The following TRPM3 variants were observed in gnomAD, a reference collection of about 807,000 sequenced individuals.
TRPM3 encodes transient receptor potential cation channel subfamily M member 3.
TRPM3 carries 77 observed loss-of-function variants against 181.2 expected under a neutral mutation model. The observed-to-expected ratio is 0.42, with a 90% CI of 0.35 to 0.51. TRPM3 has a LOEUF of 0.51. Among genes scored for constraint, TRPM3 ranks in the 20% least tolerant of loss-of-function variants. TRPM3 has a pLI of 0.01. For missense variants in TRPM3, 1,759 were observed against 2,196.7 expected (o/e 0.80, Z 3.98); for synonymous variants, 745 against 796.4 (o/e 0.94, Z 1.09).
At chr9:71,275,232 T>G (rs2084103643) in intron 1 of TRPM3, among the ~76,000 whole-genome samples, 1 of 152,232 alleles carries the variant, frequency 6.6e-6, no homozygotes, top group Non-Finnish European at 1.5e-5. Flanking sequence ...AGATAAATCA[T>G]TTCAATTTCT....
rs148066286 is a variant in TRPM3 at position 71,071,061 on chromosome 9, C to T, written c.177+50117G>A. On this transcript the variant is annotated intron_variant, in intron 1 of 25. Transcript: ENST00000677713. ...ATCTAGTGGACAGCAAGGAGCCTTA[C>T]AAGGCTTTAGTTTTTAGTCTTCAGG... is the stretch of plus-strand genomic sequence containing the variant. Among the ~76,000 whole-genome samples the T allele has an allele frequency of 1.1e-3, 173 of 152,242 alleles. 1 individual carries two copies. Among genetic ancestry groups the T allele is most frequent in the Admixed American group, 5.2e-4 (8 of 15,304 alleles).
chr9:70,915,829 T>C (rs1398050131), intron 1 of TRPM3, among the ~76,000 whole-genome samples: 2 of 151,952 alleles, frequency 1.3e-5, no homozygotes, highest in Non-Finnish European at 2.9e-5. Context: ...TTGAAAGGGA[T>C]AATAACATAG....
chr9:70,657,794 T>C (rs1040613668), intron 9 of TRPM3, among the ~76,000 whole-genome samples: 2 of 152,144 alleles, frequency 1.3e-5, no homozygotes, highest in Admixed American at 6.6e-5. Flanking sequence ...TCTTCGGGTC[T>C]GGTAGAAGAC....
At chr9:70,795,800 T>C (rs72729709) in intron 6 of TRPM3, among the ~76,000 whole-genome samples, 12,572 of 152,322 alleles carry the variant, frequency 0.083, 597 homozygotes, top group East Asian at 0.11. Context: ...TGTTATTCCC[T>C]TGTGGCCAGA....
Position 71,245,074 on chromosome 9 carries a change from G to A in TRPM3, c.183+201579C>T, listed in dbSNP as rs546569265. On this transcript the variant is annotated intron_variant, in intron 1 of 24. Transcript: ENST00000357533. ...TCACTGCTTGGCACAGCATTGGCAAGTCCAAGATGGCTAAATCAAAGACTA... is the reference window on the plus strand; with the variant it reads ...TCACTGCTTGGCACAGCATTGGCAAATCCAAGATGGCTAAATCAAAGACTA... Among the ~76,000 whole-genome samples the A allele has an allele frequency of 9.2e-5, 14 of 152,288 alleles. No homozygotes were observed. The South Asian group carries it at 2.9e-3, about 32-fold the overall frequency.
intron 1 of TRPM3, among the ~76,000 whole-genome samples, chr9:71,031,347 C>T (rs78083393): frequency 6.6e-6 from 1 of 152,148 alleles, no homozygotes; most frequent in African/African-American, 2.4e-5. Flanking sequence ...TGGTTAGCCT[C>T]ATTTGAGTTT....
At chr9:71,208,351 A>T (rs2079256218) in intron 1 of TRPM3, among the ~76,000 whole-genome samples, 1 of 152,316 alleles carries the variant, frequency 6.6e-6, no homozygotes, top group Middle Eastern at 3.4e-3. Flanking sequence ...TTCACAAAAA[A>T]TATCAATAAT....
chr9:70,681,768 G>A (rs989633227), intron 8 of TRPM3, among the ~76,000 whole-genome samples, 190 bp from the exon 9 acceptor site: 4 of 152,158 alleles, frequency 2.6e-5, no homozygotes, highest in African/African-American at 9.7e-5. Context: ...TGCCTCAGTA[G>A]TTTCCAAACA....
At chr9:71,024,969 G>A (rs35683807) in intron 1 of TRPM3, among the ~76,000 whole-genome samples, 21,929 of 152,072 alleles carry the variant, frequency 0.14, 1,817 homozygotes, top group African/African-American at 0.24. Context: ...TACACACAAT[G>A]CTGCTTGGAG....
intron 1 of TRPM3, among the ~76,000 whole-genome samples, chr9:71,026,263 C>G (rs1272191045): frequency 6.6e-6 from 1 of 152,184 alleles, no homozygotes; most frequent in African/African-American, 2.4e-5. Context: ...TGGGGCAGGT[C>G]TGACCTGAGC....
intron 1 of TRPM3, among the ~76,000 whole-genome samples, chr9:71,393,304 A>G (rs1218104590): frequency 6.6e-6 from 1 of 152,206 alleles, no homozygotes; most frequent in Non-Finnish European, 1.5e-5. Context: ...TGAATAGCAC[A>G]GCATAGGGTG....
rs67349189 is a variant in TRPM3 at position 71,215,033 on chromosome 9, C to CA, written c.183+231619dup. Among the ~76,000 whole-genome samples the CA allele has an allele frequency of 5.0e-3, 524 of 105,726 alleles. 12 individuals are homozygous for CA. Among genetic ancestry groups the CA allele is most frequent in the Non-Finnish European group, 5.6e-3 (290 of 51,704 alleles). The allele number at this position is 105,726 out of a possible 152,430, so 69.4% of individuals were successfully genotyped here. ...CTGTTCACTCTGCCTCACCAAAAAA[C>CA]AAAAAAAAAAAAACAAAAAAAAAAA... On this transcript the variant is annotated intron_variant, in intron 1 of 24. Coordinates refer to the TRPM3 transcript ENST00000357533.
intron 1 of TRPM3, among the ~76,000 whole-genome samples, chr9:71,373,762 C>T (rs1488496510): frequency 2.6e-5 from 4 of 152,220 alleles, no homozygotes; most frequent in South Asian, 2.1e-4. Flanking sequence ...AGGGACTCTT[C>T]CCTTACTCAA....
chr9:71,158,647 T>C (rs1426672966), intron 1 of TRPM3, among the ~76,000 whole-genome samples: 1 of 152,148 alleles, frequency 6.6e-6, no homozygotes, highest in Non-Finnish European at 1.5e-5. Flanking sequence ...ATAATGTCTC[T>C]CTTATAGAGC....
chr9:70,918,882 A>T (rs1301887755), intron 1 of TRPM3, among the ~76,000 whole-genome samples: 1 of 152,142 alleles, frequency 6.6e-6, no homozygotes, highest in Non-Finnish European at 1.5e-5. Context: ...CATTTGGGAA[A>T]GCCAGAGTCA....
At chr9:71,386,515 T>G (rs2092927261) in intron 1 of TRPM3, among the ~76,000 whole-genome samples, 1 of 151,824 alleles carries the variant, frequency 6.6e-6, no homozygotes, top group African/African-American at 2.4e-5. Context: ...TTGGCAAAAC[T>G]AATAAGAATA....
intron 9 of TRPM3, among the ~76,000 whole-genome samples, chr9:70,660,872 C>G (rs1294589143): frequency 6.6e-6 from 1 of 152,018 alleles, no homozygotes; most frequent in African/African-American, 2.4e-5. Context: ...AGAATTGGTA[C>G]CAATCCTACT....
intron 6 of TRPM3, among the ~76,000 whole-genome samples, chr9:70,820,417 C>T (rs185140292): frequency 5.0e-4 from 76 of 152,276 alleles, no homozygotes; most frequent in African/African-American, 1.7e-3. Flanking sequence ...GACAGAGTCT[C>T]GCTCTTGTTG....
chr9:71,402,641 G>A (rs954737933), intron 1 of TRPM3, among the ~76,000 whole-genome samples: 3 of 152,098 alleles, frequency 2.0e-5, no homozygotes, highest in African/African-American at 7.2e-5. Context: ...TAAAAAAACT[G>A]TTTATATTGC....
Sources: gnomAD v4.1 joint callset for allele counts (sites outside exome capture counted in the v4.1 genomes callset) on GRCh38, gnomAD v4.1.1 for gene constraint, MANE v1.5 for transcripts, NCBI Gene and HGNC (gene_info 2026-07-23, HGNC 2026-07-21) for gene names.